HIRA: variants seen among roughly 807,000 people sequenced by gnomAD.
HIRA encodes protein HIRA.
A neutral mutation model predicts 126.6 loss-of-function variants in HIRA; 13 were observed. The observed-to-expected ratio is 0.10, with a 90% CI of 0.07 to 0.16. The LOEUF (loss-of-function observed/expected upper bound fraction) is 0.16, where lower values mean the gene tolerates loss of function less well. HIRA is among the 10% of genes least tolerant of loss of function. The probability of loss-of-function intolerance (pLI) is 1.00; values close to 1 mark genes in which losing one functional copy is unlikely to be tolerated. For missense variants in HIRA, 834 were observed against 1,314.4 expected, an observed-to-expected ratio of 0.63 and a Z score of 5.65; for synonymous variants, 511 against 520.0, an observed-to-expected ratio of 0.98 and a Z score of 0.24.
At chr22:19,373,318 T>TTAA (rs1461144540) in intron 15 of HIRA, among the ~76,000 whole-genome samples, 2 of 152,268 alleles carry the variant, frequency 1.3e-5, no homozygotes, top group Non-Finnish European at 2.9e-5. Flanking sequence ...CTTTCAAGAC[T>TTAA]TAAGCATATT....
intron 24 of HIRA, 90 bp from the exon 25 acceptor site, chr22:19,331,646 C>T: frequency 8.2e-7 from 1 of 1,218,760 alleles, no homozygotes; most frequent in South Asian, 1.5e-5. Context: ...AACCTTGTGT[C>T]TGCTCACGGG....
intron 8 of HIRA, among the ~76,000 whole-genome samples, chr22:19,393,593 T>C (rs1024670582): frequency 1.3e-5 from 2 of 152,142 alleles, no homozygotes; most frequent in East Asian, 1.9e-4. Context: ...CCTGACCTCA[T>C]GATCCGCCCA....
Position 19,396,208 on chromosome 22 carries a change from A to G in HIRA, c.654+579T>C, listed in dbSNP as rs57103936. Among the ~76,000 whole-genome samples, 14 of 152,318 alleles carry G rather than the reference A, an allele frequency of 9.2e-5. No individual in the cohort carries two copies. In the East Asian group the frequency reaches 2.7e-3, roughly 29 times the overall value. ...TGATGTGGAGACATCTCTAAGGTTC[A>G]CTTCAACTTTAAACCTATAAATCCG... On this transcript the variant is annotated intron_variant, in intron 7 of 24. Coordinates refer to ENST00000263208, the MANE Select transcript of HIRA (RefSeq NM_003325.4).
intron 1 of HIRA, 67 bp downstream of exon 1, chr22:19,431,373 C>G: frequency 6.4e-7 from 1 of 1,557,708 alleles, no homozygotes; most frequent in African/African-American, 1.4e-5. Context: ...TTGCGCGCGC[C>G]CCGACTCGAC....
At chr22:19,429,685 G>T (rs983704554) in intron 1 of HIRA, among the ~76,000 whole-genome samples, 1 of 152,086 alleles carries the variant, frequency 6.6e-6, no homozygotes, top group East Asian at 1.9e-4. Flanking sequence ...TACCTAGTTC[G>T]TCACTTAAGC....
intron 13 of HIRA, among the ~76,000 whole-genome samples, chr22:19,383,377 T>C (rs1250640378): frequency 6.6e-6 from 1 of 152,126 alleles, no homozygotes; most frequent in South Asian, 2.1e-4. Context: ...AACAGTGAAG[T>C]GCAGCAGATG....
At chr22:19,355,395 T>G (rs138392306) in intron 21 of HIRA, among the ~76,000 whole-genome samples, 1 of 152,340 alleles carries the variant, frequency 6.6e-6, no homozygotes, top group East Asian at 1.9e-4. Context: ...AAGTGCTTAC[T>G]AAGCTCACAG....
In HIRA at chr22:19,359,425, G is replaced by A. The variant is rs773379388; in HGVS notation, c.2145C>T (p.Gly715=). 7 of 1,609,468 alleles carry A rather than the reference G, an allele frequency of 4.3e-6. No homozygotes were observed. The highest frequency in any genetic ancestry group is 2.2e-5 in the South Asian group (2 of 89,952). The change falls in exon 18 of 25, where the codon GGC becomes GGT. Residue 715 remains glycine (G), a synonymous_variant. Coordinates refer to ENST00000263208, the MANE Select transcript of HIRA (RefSeq NM_003325.4). Reference sequence around the variant, plus strand: ...TGCACTTCAGGCGGCTCAGCTTCACGCCCCCCACCACTGTCACTTCATTCT... The same window carrying A: ...TGCACTTCAGGCGGCTCAGCTTCACACCCCCCACCACTGTCACTTCATTCT... The part of the protein sequence containing the change: ...EVENEVTVVG[G]VKLSRLKCNR...
chr22:19,355,807 G>C lies in HIRA; in HGVS notation c.2514C>G (p.Asn838Lys). The C allele has an allele frequency of 6.2e-7, 1 of 1,614,100 alleles. No individual in the cohort carries two copies. Among genetic ancestry groups the C allele is most frequent in the Non-Finnish European group, 8.5e-7 (1 of 1,179,966 alleles). Reference protein sequence around the residue: ...LLTQHGIPVMNLSDGKAYCFN... With the variant: ...LLTQHGIPVMKLSDGKAYCFN... Reference sequence around the variant, plus strand: ...AGCAGTACGCCTTCCCATCGGACAGGTTCATTACTGGGATTCCATGCTGCG... The same window carrying C: ...AGCAGTACGCCTTCCCATCGGACAGCTTCATTACTGGGATTCCATGCTGCG... The change falls in exon 21 of 25, where the codon AAC becomes AAG. Residue 838 changes from asparagine (N) to lysine (K), a missense_variant. By Grantham distance (94) the Asn-to-Lys change is moderately conservative. This residue lies in a region of HIRA where 468 missense variants were observed against 574.2 expected (regional missense o/e 0.82). Coordinates refer to ENST00000263208, the MANE Select transcript of HIRA (RefSeq NM_003325.4).
chr22:19,366,700 A>C (rs1435236917), intron 15 of HIRA, among the ~76,000 whole-genome samples: 1 of 152,224 alleles, frequency 6.6e-6, no homozygotes, highest in Non-Finnish European at 1.5e-5. Flanking sequence ...CAAAGAAAGT[A>C]GTTTCTTAAG....
chr22:19,413,974 C>T (rs867073736), intron 1 of HIRA, among the ~76,000 whole-genome samples: 5 of 152,242 alleles, frequency 3.3e-5, no homozygotes, highest in Middle Eastern at 6.8e-3. Context: ...GACCTTCTGG[C>T]TGAGCTAGTT....
At chr22:19,428,229 T>A (rs1047547602) in intron 1 of HIRA, among the ~76,000 whole-genome samples, 3 of 152,222 alleles carry the variant, frequency 2.0e-5, no homozygotes, top group African/African-American at 7.2e-5. Context: ...AACTTATTGA[T>A]AACCTTAGAC....
chr22:19,364,511 A>T (rs926788205), intron 15 of HIRA, among the ~76,000 whole-genome samples: 2 of 152,138 alleles, frequency 1.3e-5, no homozygotes, highest in Non-Finnish European at 2.9e-5. Context: ...TCACATTTTG[A>T]TAATTCTCAC....
intron 21 of HIRA, 115 bp downstream of exon 21, chr22:19,355,645 C>T (rs1282646451): frequency 2.0e-5 from 14 of 699,648 alleles, no homozygotes; most frequent in Non-Finnish European, 3.3e-5. Flanking sequence ...ACTCCAGGGC[C>T]TGACTCTCAG....
chr22:19,364,232 C>A (rs1569296541), intron 15 of HIRA, among the ~76,000 whole-genome samples: 1 of 151,142 alleles, frequency 6.6e-6, no homozygotes, highest in Admixed American at 6.6e-5. Flanking sequence ...GGTGTAGTTA[C>A]GTAAGCAAAG....
chr22:19,334,002 C>T (rs1247804566), intron 24 of HIRA, among the ~76,000 whole-genome samples: 9 of 151,134 alleles, frequency 6.0e-5, no homozygotes, highest in African/African-American at 1.7e-4. Flanking sequence ...TGAGATGGAG[C>T]CTCGATCTGT....
intron 11 of HIRA, among the ~76,000 whole-genome samples, chr22:19,386,812 T>A (rs1013477569): frequency 6.6e-6 from 1 of 152,224 alleles, no homozygotes; most frequent in Non-Finnish European, 1.5e-5. Flanking sequence ...ACCTGAGGCC[T>A]CTGAGATACT....
rs557899451 is a variant in HIRA, at chr22:19,335,953, T to C, written c.2938-4397A>G. On this transcript the variant is annotated intron_variant, in intron 24 of 24. Coordinates refer to ENST00000263208, the MANE Select transcript of HIRA (RefSeq NM_003325.4). ...TGGCGTCTTTTACTGTACTGCACTTTCTCATCGTTTGTCCAGGTTTTCTTT... is the reference window on the plus strand; with the variant it reads ...TGGCGTCTTTTACTGTACTGCACTTCCTCATCGTTTGTCCAGGTTTTCTTT... 2.6e-5 allele frequency among the ~76,000 whole-genome samples: 4 copies of C among 152,342 alleles called. No homozygotes were observed. In the East Asian group the frequency reaches 7.7e-4, roughly 29 times the overall value.
chr22:19,418,688 G>A (rs2089419580), intron 1 of HIRA, among the ~76,000 whole-genome samples: 1 of 152,172 alleles, frequency 6.6e-6, no homozygotes, highest in Non-Finnish European at 1.5e-5. Flanking sequence ...CTCGACTGCA[G>A]TGGTAGATAC....
Sources: allele counts gnomAD v4.1 joint callset (sites outside exome capture counted in the v4.1 genomes callset), GRCh38; gene constraint gnomAD v4.1.1; regional missense constraint gnomAD v4.1.1; transcripts MANE v1.5; gene names NCBI Gene and HGNC (gene_info 2026-07-23, HGNC 2026-07-21).